Variants in KCND2 observed in about 807,000 individuals in gnomAD.
KCND2 encodes potassium voltage-gated channel subfamily D member 2.
Under a neutral mutation model 54.4 loss-of-function variants are expected in KCND2, and 16 were observed. The ratio of observed to expected loss-of-function variants is 0.29; its 90% CI spans 0.20 to 0.45. The LOEUF (loss-of-function observed/expected upper bound fraction) is 0.45. KCND2 is among the 20% of genes least tolerant of loss of function. The pLI, the probability that KCND2 is intolerant of heterozygous loss-of-function variation, is 1.00. For missense variants in KCND2, 486 were observed against 824.2 expected (o/e 0.59, Z 5.02); for synonymous variants, 317 against 310.7 (o/e 1.02, Z -0.21).
intron 1 of KCND2, among the ~76,000 whole-genome samples, chr7:120,341,439 G>C (rs1336877664): frequency 6.6e-6 from 1 of 152,106 alleles, no homozygotes. Context: ...CTGTAATTTT[G>C]CCTAATGAAA....
At chr7:120,300,548 G>T (rs566102367) in intron 1 of KCND2, among the ~76,000 whole-genome samples, 5 of 152,134 alleles carry the variant, frequency 3.3e-5, no homozygotes, top group African/African-American at 1.2e-4. Context: ...AGTGAACATG[G>T]ATATTATTCA....
At chr7:120,368,584 C>G (rs1800719534) in intron 1 of KCND2, among the ~76,000 whole-genome samples, 1 of 151,972 alleles carries the variant, frequency 6.6e-6, no homozygotes, top group Admixed American at 6.6e-5. Context: ...ATTTAGAATA[C>G]AATTTGCAAA....
At chr7:120,288,743 AT>A (rs1486664116) in intron 1 of KCND2, among the ~76,000 whole-genome samples, 2 of 152,108 alleles carry the variant, frequency 1.3e-5, no homozygotes, top group East Asian at 3.9e-4. Flanking sequence ...TGGTTACAGG[AT>A]TTTTGAACAT....
At chr7:120,621,876 C>T (rs1287735179) in intron 1 of KCND2, among the ~76,000 whole-genome samples, 1 of 152,124 alleles carries the variant, frequency 6.6e-6, no homozygotes, top group Non-Finnish European at 1.5e-5. Flanking sequence ...GAATAGGCCC[C>T]ATTCCTCTTT....
chr7:120,334,960 C>T (rs542125288), intron 1 of KCND2, among the ~76,000 whole-genome samples: 7 of 152,042 alleles, frequency 4.6e-5, no homozygotes, highest in Non-Finnish European at 1.0e-4. Flanking sequence ...GGACAAGCAC[C>T]GGATGTGGAG....
chr7:120,560,388 A>G (rs2116409052), intron 1 of KCND2, among the ~76,000 whole-genome samples: 1 of 152,332 alleles, frequency 6.6e-6, no homozygotes, highest in South Asian at 2.1e-4. Flanking sequence ...TTGCCTTAAA[A>G]AATCCTCCAA....
At chr7:120,372,380 CAT>C (rs1563025158) in intron 1 of KCND2, among the ~76,000 whole-genome samples, 1 of 151,762 alleles carries the variant, frequency 6.6e-6, no homozygotes, top group East Asian at 1.9e-4. Flanking sequence ...AGAATTCTCT[CAT>C]AAACGGTTTC....
chr7:120,685,961 C>T lies in KCND2; in HGVS notation c.1116-46942C>T, dbSNP rs150982381. On this transcript the variant is annotated intron_variant, in intron 1 of 5. Transcript: ENST00000331113. ...AGCACAATTCCTAGATCTCACAGAG[C>T]ACATTCAAGTGACTGAAGATCCTCC... Among the ~76,000 whole-genome samples, 710 of 152,244 alleles carry T rather than the reference C, an allele frequency of 4.7e-3. 5 individuals are homozygous for T. The highest frequency in any genetic ancestry group is 0.016 in the African/African-American group (683 of 41,552).
intron 1 of KCND2, among the ~76,000 whole-genome samples, chr7:120,505,884 C>A (rs1419472234): frequency 1.3e-5 from 2 of 151,726 alleles, no homozygotes; most frequent in African/African-American, 4.8e-5. Flanking sequence ...AATCCCCTGT[C>A]TAACCTTTTT....
At chr7:120,738,577 C>T (rs1792902326) in intron 2 of KCND2, among the ~76,000 whole-genome samples, 1 of 151,994 alleles carries the variant, frequency 6.6e-6, no homozygotes, top group East Asian at 1.9e-4. Flanking sequence ...AAGAAGTCTC[C>T]TACTTTTCAT....
chr7:120,450,098 A>C (rs10251636), intron 1 of KCND2, among the ~76,000 whole-genome samples: 9,323 of 152,260 alleles, frequency 0.061, 874 homozygotes, highest in African/African-American at 0.21. Context: ...ACCTAAGTAC[A>C]TAATAGGGGT....
chr7:120,719,118 A>G (rs1050387742), intron 1 of KCND2, among the ~76,000 whole-genome samples: 1 of 152,138 alleles, frequency 6.6e-6, no homozygotes, highest in Non-Finnish European at 1.5e-5. Context: ...AATATATTTG[A>G]GAGGATTATT....
intron 1 of KCND2, among the ~76,000 whole-genome samples, chr7:120,585,141 C>T (rs1792576627): frequency 6.6e-6 from 1 of 151,834 alleles, no homozygotes; most frequent in Non-Finnish European, 1.5e-5. Context: ...AAAGGCATTA[C>T]TAACACTTGC....
chr7:120,482,012 C>T (rs1310028547), intron 1 of KCND2, among the ~76,000 whole-genome samples: 3 of 152,152 alleles, frequency 2.0e-5, no homozygotes, highest in African/African-American at 7.2e-5. Flanking sequence ...CATGCAACTC[C>T]AACCTATGAG....
chr7:120,413,595 T>C (rs943521865), intron 1 of KCND2, among the ~76,000 whole-genome samples: 5 of 152,028 alleles, frequency 3.3e-5, no homozygotes, highest in Non-Finnish European at 5.9e-5. Flanking sequence ...AACCAGATTA[T>C]ATATTTTTTA....
intron 1 of KCND2, among the ~76,000 whole-genome samples, chr7:120,508,891 A>ATTATTT (rs1554362178): frequency 2.2e-5 from 3 of 138,250 alleles, no homozygotes; most frequent in East Asian, 4.2e-4. Context: ...GCCTTTCACG[A>ATTATTT]TTTTTTTTTT....
intron 1 of KCND2, among the ~76,000 whole-genome samples, chr7:120,422,744 C>G (rs1420000332): frequency 6.6e-6 from 1 of 152,150 alleles, no homozygotes; most frequent in Non-Finnish European, 1.5e-5. Context: ...ATTCCACTGT[C>G]TGTGAAGGTA....
chr7:120,465,572 G>C (rs917116743), intron 1 of KCND2, among the ~76,000 whole-genome samples: 4 of 152,152 alleles, frequency 2.6e-5, no homozygotes, highest in Non-Finnish European at 5.9e-5. Flanking sequence ...AACGCAAGAA[G>C]AGTTTCAGTG....
intron 1 of KCND2, among the ~76,000 whole-genome samples, chr7:120,595,507 G>GTGTATATATA (rs768871526): frequency 6.9e-6 from 1 of 144,206 alleles, no homozygotes; most frequent in Admixed American, 7.0e-5. Flanking sequence ...ATGTGTGTGT[G>GTGTATATATA]TGTATATATA....
Sources: gnomAD v4.1 joint callset for allele counts (sites outside exome capture counted in the v4.1 genomes callset) on GRCh38, gnomAD v4.1.1 for gene constraint, MANE v1.5 for transcripts, NCBI Gene and HGNC (gene_info 2026-07-23, HGNC 2026-07-21) for gene names.